SNRPN: variants seen among roughly 807,000 people sequenced by gnomAD.
SNRPN encodes the protein small nuclear ribonucleoprotein-associated protein N.
SNRPN carries 7 observed loss-of-function variants against 25.2 expected under a neutral mutation model. The observed-to-expected ratio is 0.28, with a 90% confidence interval of 0.16 to 0.52. The LOEUF is 0.52. SNRPN is among the 20% of genes least tolerant of loss of function. The probability of loss-of-function intolerance (pLI) is 0.96; values close to 1 mark genes in which losing one functional copy is unlikely to be tolerated. For missense variants in SNRPN, 196 were observed against 322.5 expected (o/e 0.61, Z 3.00); for synonymous variants, 124 against 110.6 (o/e 1.12, Z -0.76).
chr15:24,973,257 GTAGCCTAGGATCTACCA>G (rs1484446950), intron 3 of SNRPN, among the ~76,000 whole-genome samples: 1 of 152,124 alleles, frequency 6.6e-6, no homozygotes, highest in Non-Finnish European at 1.5e-5. Context: ...ATACAGGTTT[GTAGCCTAGGATCTACCA>G]TATTGCCTAA....
chr15:24,973,253 G>T (rs1180547556), intron 3 of SNRPN, among the ~76,000 whole-genome samples: 3 of 152,104 alleles, frequency 2.0e-5, no homozygotes, highest in African/African-American at 7.2e-5. Context: ...TGATATACAG[G>T]TTTGTAGCCT....
At chr15:24,889,651 T>C (rs1211112380) in intron 2 of SNRPN, among the ~76,000 whole-genome samples, 1 of 151,992 alleles carries the variant, frequency 6.6e-6, no homozygotes, top group Non-Finnish European at 1.5e-5. Context: ...GGATTGTGGA[T>C]CAATCATGCA....
chr15:24,830,121 T>C (rs1370537261), intron 2 of SNRPN, among the ~76,000 whole-genome samples: 1 of 152,116 alleles, frequency 6.6e-6, no homozygotes, highest in African/African-American at 2.4e-5. Flanking sequence ...GTATTTTGAC[T>C]TTATTCTTTC....
At chr15:24,905,378 G>C (rs189329954) in intron 2 of SNRPN, among the ~76,000 whole-genome samples, 9 of 151,002 alleles carry the variant, frequency 6.0e-5, no homozygotes, top group Admixed American at 4.6e-4. Context: ...GCATGGTGGC[G>C]TGCGCCTGTA....
intron 1 of SNRPN, among the ~76,000 whole-genome samples, chr15:24,956,459 G>A (rs1457008984): frequency 6.6e-6 from 1 of 152,146 alleles, no homozygotes; most frequent in East Asian, 1.9e-4. Flanking sequence ...CCTCTTTAGG[G>A]TGCAGTGGTA....
chr15:24,882,037 C>CCT (rs940137674), intron 1 of SNRPN, among the ~76,000 whole-genome samples: 18 of 152,260 alleles, frequency 1.2e-4, no homozygotes, highest in African/African-American at 3.6e-4. Context: ...ACTATGAAGG[C>CCT]CTCTCCCTAA....
chr15:24,915,968 CTTT>C (rs35835568), intron 2 of SNRPN, among the ~76,000 whole-genome samples: 3 of 97,382 alleles, frequency 3.1e-5, no homozygotes, highest in African/African-American at 3.9e-5. Context: ...GCCAGGTTGA[CTTT>C]TTTTTTTTTT....
intron 2 of SNRPN, among the ~76,000 whole-genome samples, chr15:24,898,535 C>T (rs193268954): frequency 6.6e-6 from 1 of 151,286 alleles, no homozygotes; most frequent in East Asian, 2.0e-4. Flanking sequence ...TTGCAATGAG[C>T]GAAGATCGCA....
At chr15:24,827,884 C>T (rs2050218887) in intron 1 of SNRPN, among the ~76,000 whole-genome samples, 2 of 150,800 alleles carry the variant, frequency 1.3e-5, no homozygotes, top group African/African-American at 4.9e-5. Context: ...AAAAAAAAAT[C>T]CTGAAATACT....
chr15:24,969,548 A>G (rs1596299852), intron 3 of SNRPN, among the ~76,000 whole-genome samples: 1 of 152,170 alleles, frequency 6.6e-6, no homozygotes, highest in East Asian at 1.9e-4. Context: ...TCATTGTCCA[A>G]AGCTTTTCCC....
Position 24,910,852 on chromosome 15 carries a change from A to G in SNRPN, c.-504-9159A>G, listed in dbSNP as rs564287622. 189 of 579,938 alleles carry G rather than the reference A, an allele frequency of 3.3e-4. 1 individual carries two copies. Among genetic ancestry groups the G allele is most frequent in the African/African-American group, 1.6e-3 (82 of 52,628 alleles). The allele number at this position is 579,938 out of a possible 1,614,324, so 35.9% of individuals were successfully genotyped here. A position where few individuals can be genotyped will look rare whatever the true frequency, so the allele number is the denominator to read the frequency against. The stretch of plus-strand genomic sequence containing the variant: ...TGTTTATTGAGATGGTTTCCCACTC[A>G]TCTTGATTCAGGGTGCTTTTAGTGC... On this transcript the variant is annotated intron_variant, in intron 2 of 11. Coordinates refer to the SNRPN transcript ENST00000400097.
At chr15:24,918,000 A>C (rs906439959) in intron 2 of SNRPN, among the ~76,000 whole-genome samples, 3 of 152,128 alleles carry the variant, frequency 2.0e-5, no homozygotes, top group African/African-American at 7.2e-5. Flanking sequence ...TTATGGGCAA[A>C]TTTGTTCCCA....
At chr15:24,854,071 A>G (rs1264157149), upstream of SNRPN, among the ~76,000 whole-genome samples, 2 of 149,912 alleles carry the variant, frequency 1.3e-5, no homozygotes, top group African/African-American at 2.5e-5. Context: ...CTTACATTTT[A>G]CTAGTTTATT....
intron 2 of SNRPN, among the ~76,000 whole-genome samples, chr15:24,840,463 C>T (rs924252517): frequency 6.6e-6 from 1 of 152,210 alleles, no homozygotes; most frequent in Non-Finnish European, 1.5e-5. Context: ...TTTTCTGTTG[C>T]CAGAGACATC....
At chr15:24,970,241 A>G (rs752908954) in intron 3 of SNRPN, among the ~76,000 whole-genome samples, 2 of 152,270 alleles carry the variant, frequency 1.3e-5, no homozygotes, top group Non-Finnish European at 1.5e-5. Flanking sequence ...ACCCGTTTTC[A>G]TTAAAAATGT....
At chr15:24,900,379 A>G (rs1383052767) in intron 2 of SNRPN, among the ~76,000 whole-genome samples, 1 of 152,186 alleles carries the variant, frequency 6.6e-6, no homozygotes. Context: ...GAAACTTGGA[A>G]TGGGGGAATC....
intron 1 of SNRPN, among the ~76,000 whole-genome samples, chr15:24,876,394 A>C (rs2055879660): frequency 6.6e-6 from 1 of 151,134 alleles, no homozygotes; most frequent in Non-Finnish European, 1.5e-5. Flanking sequence ...GAGATGGTGG[A>C]TCACCTGAGG....
rs1380680490 is a variant in SNRPN at position 24,918,390 on chromosome 15, ATG to A, written c.-504-1617_-504-1616del. On this transcript the variant is annotated intron_variant, in intron 2 of 11. Coordinates refer to the SNRPN transcript ENST00000400097. The stretch of plus-strand genomic sequence containing the variant: ...TGTGTATATATATAACATAATATAT[ATG>A]TGTATATATATAACATAATATATAT... Among the ~76,000 whole-genome samples the A allele has an allele frequency of 7.4e-4, 75 of 100,826 alleles. 1 individual carries two copies. The highest frequency in any genetic ancestry group is 1.2e-3 in the Admixed American group (10 of 8,524). 66.1% of individuals were successfully genotyped at this position (100,826 alleles called of 152,430 possible).
At chr15:24,902,816 T>G (rs2058549646) in intron 2 of SNRPN, among the ~76,000 whole-genome samples, 2 of 152,306 alleles carry the variant, frequency 1.3e-5, no homozygotes, top group South Asian at 2.1e-4. Flanking sequence ...GTAAAGGTAG[T>G]GTGGACCCAA....
Sources: gnomAD v4.1 joint callset for allele counts (sites outside exome capture counted in the v4.1 genomes callset) on GRCh38, gnomAD v4.1.1 for gene constraint, MANE v1.5 for transcripts, NCBI Gene and HGNC (gene_info 2026-07-23, HGNC 2026-07-21) for gene names.